LRRTM3: variants seen among roughly 807,000 people sequenced by gnomAD.
LRRTM3 encodes the protein leucine rich repeat transmembrane neuronal 3, also known as leucine-rich repeat transmembrane neuronal protein 3.
In LRRTM3, 24 loss-of-function variants were observed where a neutral mutation model predicts 44.7. That is an observed-to-expected ratio of 0.54 (90% CI 0.39 to 0.76). The LOEUF (loss-of-function observed/expected upper bound fraction) is 0.76, where lower values mean the gene tolerates loss of function less well. LRRTM3 is among the 30% of genes least tolerant of loss of function. The probability of loss-of-function intolerance (pLI) is 0.00; values close to 1 mark genes in which losing one functional copy is unlikely to be tolerated. For synonymous variants in LRRTM3, 277 were observed against 278.7 expected, an observed-to-expected ratio of 0.99 and a Z score of 0.06; for missense variants, 587 against 702.2, an observed-to-expected ratio of 0.84 and a Z score of 1.85.
intron 2 of LRRTM3, among the ~76,000 whole-genome samples, chr10:67,083,158 T>C (rs1055861668): frequency 1.9e-4 from 29 of 152,046 alleles, no homozygotes; most frequent in Middle Eastern, 3.2e-3. Context: ...TCCATAGGTC[T>C]ACCTAATTTG....
At chr10:66,935,788 C>T (rs1847663443) in intron 2 of LRRTM3, among the ~76,000 whole-genome samples, 1 of 148,044 alleles carries the variant, frequency 6.8e-6, no homozygotes, top group Non-Finnish European at 1.5e-5. Context: ...AGATAGTTTT[C>T]CTTAAAATAT....
chr10:67,030,080 G>C (rs1853625733), intron 2 of LRRTM3, among the ~76,000 whole-genome samples: 1 of 152,058 alleles, frequency 6.6e-6, no homozygotes, highest in South Asian at 2.1e-4. Flanking sequence ...TAATCATATA[G>C]AAGGTGTATT....
At position 66,927,516 on chromosome 10, in the gene LRRTM3, C is replaced by T; in HGVS notation, c.600C>T (p.Val200=). 6.2e-7 allele frequency: 1 copy of T among 1,614,166 alleles called. No homozygotes were observed. Residue 200 remains valine, a synonymous_variant, in exon 2 of 3, where the codon GTC becomes GTT. Transcript: ENST00000361320. The surrounding 1 kb of genome is among the most constrained non-coding windows in gnomAD (Gnocchi z 4.7). The part of the protein sequence containing the change: ...YNRIRSLARN[V]FAGMIRLKEL... Reference sequence around the variant, plus strand: ...GGATCCGAAGTTTAGCCAGGAATGTCTTTGCTGGCATGATCAGACTCAAAG... The same window carrying T: ...GGATCCGAAGTTTAGCCAGGAATGTTTTTGCTGGCATGATCAGACTCAAAG...
At chr10:67,006,451 A>G (rs1334937458) in intron 2 of LRRTM3, among the ~76,000 whole-genome samples, 2 of 152,018 alleles carry the variant, frequency 1.3e-5, no homozygotes, top group African/African-American at 2.4e-5. Flanking sequence ...GAAAAGAGTA[A>G]TTTTATCTTC....
At chr10:67,060,440 C>T (rs1165800813) in intron 2 of LRRTM3, among the ~76,000 whole-genome samples, 1 of 152,132 alleles carries the variant, frequency 6.6e-6, no homozygotes, top group Non-Finnish European at 1.5e-5. Flanking sequence ...TTAATTTATA[C>T]TCAAGTACAT....
chr10:67,005,109 A>T (rs1851894694), intron 2 of LRRTM3, among the ~76,000 whole-genome samples: 1 of 152,124 alleles, frequency 6.6e-6, no homozygotes, highest in Non-Finnish European at 1.5e-5. Flanking sequence ...TTTTTTTTCC[A>T]ATGGAGAGAA....
chr10:66,948,238 A>G (rs1466647031), intron 2 of LRRTM3, among the ~76,000 whole-genome samples: 2 of 152,212 alleles, frequency 1.3e-5, no homozygotes, highest in African/African-American at 4.8e-5. Flanking sequence ...GATCAGACAG[A>G]CTGAAAAACC....
chr10:67,062,684 GC>G (rs1368863167), intron 2 of LRRTM3, among the ~76,000 whole-genome samples: 2 of 152,004 alleles, frequency 1.3e-5, no homozygotes, highest in African/African-American at 4.8e-5. Context: ...CATCATCTCT[GC>G]CCCCTTATAC....
chr10:67,050,054 G>C (rs1400479086), intron 2 of LRRTM3, among the ~76,000 whole-genome samples: 4 of 152,128 alleles, frequency 2.6e-5, no homozygotes, highest in Non-Finnish European at 4.4e-5. Flanking sequence ...ACTGTGGCTA[G>C]GCATGCACAA....
intron 2 of LRRTM3, among the ~76,000 whole-genome samples, chr10:67,055,479 A>G (rs1855367271): frequency 6.6e-6 from 1 of 152,170 alleles, no homozygotes; most frequent in Non-Finnish European, 1.5e-5. Flanking sequence ...TGTTTTAACC[A>G]AACAGACTAA....
intron 2 of LRRTM3, among the ~76,000 whole-genome samples, chr10:66,977,737 A>G (rs999623529): frequency 1.6e-4 from 24 of 152,186 alleles, no homozygotes; most frequent in Admixed American, 6.5e-5. Context: ...TGCCATAGCA[A>G]AGTAAAGGAA....
intron 2 of LRRTM3, among the ~76,000 whole-genome samples, chr10:67,016,755 G>A (rs1246440748): frequency 6.6e-6 from 1 of 152,034 alleles, no homozygotes; most frequent in Non-Finnish European, 1.5e-5. Flanking sequence ...TTGTATCATT[G>A]CAGTTGTGAG....
intron 2 of LRRTM3, among the ~76,000 whole-genome samples, chr10:67,054,109 G>C (rs1041772209): frequency 6.6e-6 from 1 of 151,906 alleles, no homozygotes; most frequent in Admixed American, 6.6e-5. Context: ...AGTATCCATC[G>C]CTCCTTTATA....
At chr10:67,007,817 CAT>C (rs1350881604) in intron 2 of LRRTM3, among the ~76,000 whole-genome samples, 1 of 151,390 alleles carries the variant, frequency 6.6e-6, no homozygotes, top group Non-Finnish European at 1.5e-5. Flanking sequence ...TTACACATAA[CAT>C]AAAAACCATT....
At chr10:67,077,125 AT>A (rs1415863422) in intron 2 of LRRTM3, among the ~76,000 whole-genome samples, 1 of 152,022 alleles carries the variant, frequency 6.6e-6, no homozygotes, top group Non-Finnish European at 1.5e-5. Flanking sequence ...AACCTGCTAA[AT>A]TTCCTCCATC....
chr10:67,003,669 A>T (rs1174618495), intron 2 of LRRTM3, among the ~76,000 whole-genome samples: 1 of 152,168 alleles, frequency 6.6e-6, no homozygotes, highest in African/African-American at 2.4e-5. Flanking sequence ...ATTAACATAA[A>T]ACTAGTGGCA....
intron 2 of LRRTM3, among the ~76,000 whole-genome samples, chr10:66,936,815 C>T (rs1847727037): frequency 6.6e-6 from 1 of 152,144 alleles, no homozygotes. Flanking sequence ...TATCTGCTCC[C>T]AGAGTGAGAG....
intron 2 of LRRTM3, among the ~76,000 whole-genome samples, chr10:66,970,048 T>C (rs1849633155): frequency 6.6e-6 from 1 of 152,042 alleles, no homozygotes; most frequent in African/African-American, 2.4e-5. Flanking sequence ...GTTCCATAGG[T>C]TTAATGCGTG....
chr10:66,926,798 T>C (rs979181156), intron 1 of LRRTM3, 123 bp from the exon 2 acceptor site: 2 of 978,138 alleles, frequency 2.0e-6, no homozygotes, highest in East Asian at 2.6e-5. Context: ...AGAGATAATA[T>C]GTGATGTTAA....
Sources: gnomAD v4.1 joint callset for allele counts (sites outside exome capture counted in the v4.1 genomes callset) on GRCh38, gnomAD v4.1.1 for gene constraint, Gnocchi (gnomAD v3.1) non-coding constraint, MANE v1.5 for transcripts, NCBI Gene and HGNC (gene_info 2026-07-23, HGNC 2026-07-21) for gene names.